GNAT3: variants seen among roughly 807,000 people sequenced by gnomAD.
The protein encoded by GNAT3 is guanine nucleotide-binding protein G(t) subunit alpha-3.
In GNAT3, 31 loss-of-function variants were observed where a neutral mutation model predicts 37.7. That is an observed-to-expected ratio of 0.82 (90% confidence interval 0.62 to 1.11). The LOEUF is 1.11. Ranked by LOEUF, GNAT3 falls within the 50% of genes most tolerant of loss-of-function variation. The probability of loss-of-function intolerance (pLI) is 0.00; values close to 1 mark genes in which losing one functional copy is unlikely to be tolerated. For synonymous variants in GNAT3, 138 were observed against 139.8 expected, an observed-to-expected ratio of 0.99 and a Z score of 0.09; for missense variants, 437 against 412.5, an observed-to-expected ratio of 1.06 and a Z score of -0.51.
At chr7:80,478,730 G>T in intron 4 of GNAT3, 111 bp downstream of exon 4, 2 of 1,036,608 alleles carry the variant, frequency 1.9e-6, no homozygotes, top group Non-Finnish European at 2.8e-6. Flanking sequence ...CTAATAAAAT[G>T]TAACACCATT....
chr7:80,461,401 T>A lies in GNAT3; in HGVS notation c.874+758A>T, dbSNP rs115999823. On this transcript the variant is annotated intron_variant, in intron 7 of 7. Coordinates refer to ENST00000398291, the MANE Select transcript of GNAT3 (RefSeq NM_001102386.3). ...CCATTACTACTGAAAATACGAAAAT[T>A]AACTGGGTGTTGTGGCGTGCACCAG... Among the ~76,000 whole-genome samples, 994 of 152,038 alleles carry A rather than the reference T, an allele frequency of 6.5e-3. 12 individuals carry two copies. The highest frequency in any genetic ancestry group is 0.023 in the African/African-American group (950 of 41,464).
chr7:80,491,846 G>A (rs1790598088), intron 2 of GNAT3, among the ~76,000 whole-genome samples: 1 of 152,128 alleles, frequency 6.6e-6, no homozygotes, highest in South Asian at 2.1e-4. Flanking sequence ...GAAAGACAAA[G>A]CAGAACAGGA....
intron 5 of GNAT3, among the ~76,000 whole-genome samples, chr7:80,470,303 C>A (rs562933349): frequency 2.0e-5 from 3 of 152,126 alleles, no homozygotes; most frequent in Non-Finnish European, 4.4e-5. Flanking sequence ...CTCACTGCAA[C>A]CTCCGCCTTT....
At chr7:80,494,730 C>T (rs1379620971) in intron 1 of GNAT3, 83 bp from the exon 2 acceptor site, 1 of 832,580 alleles carries the variant, frequency 1.2e-6, no homozygotes, top group Non-Finnish European at 1.9e-6. Context: ...CATGGATAAT[C>T]TTTAATTTTT....
chr7:80,479,438 G>T (rs1333884200), intron 3 of GNAT3, among the ~76,000 whole-genome samples: 1 of 151,812 alleles, frequency 6.6e-6, no homozygotes, highest in African/African-American at 2.4e-5. Context: ...AATTAGAGTA[G>T]ACCGGGCATG....
chr7:80,479,631 A>G (rs1157862617), intron 3 of GNAT3, among the ~76,000 whole-genome samples: 1 of 147,752 alleles, frequency 6.8e-6, no homozygotes, highest in African/African-American at 2.5e-5. Flanking sequence ...GAATTGCTTG[A>G]GCTTGGGAGG....
chr7:80,474,486 T>C (rs1040586354), intron 4 of GNAT3, 107 bp from the exon 5 acceptor site: 10 of 412,192 alleles, frequency 2.4e-5, no homozygotes, highest in African/African-American at 1.9e-4. Context: ...TGTATATATA[T>C]ATATTTTTAA....
intron 2 of GNAT3, among the ~76,000 whole-genome samples, chr7:80,493,159 C>T (rs1054571681): frequency 1.2e-4 from 18 of 151,026 alleles, no homozygotes; most frequent in Non-Finnish European, 1.0e-4. Flanking sequence ...AATAATTGGT[C>T]TTTTTTTTTC....
At chr7:80,506,162 A>G (rs1199393295) in intron 1 of GNAT3, among the ~76,000 whole-genome samples, 1 of 152,206 alleles carries the variant, frequency 6.6e-6, no homozygotes, top group Non-Finnish European at 1.5e-5. Flanking sequence ...TCTTGAGTCA[A>G]TAATTCATGC....
At chr7:80,463,757 CT>C (rs1387176460) in intron 5 of GNAT3, among the ~76,000 whole-genome samples, 1 of 151,592 alleles carries the variant, frequency 6.6e-6, no homozygotes, top group East Asian at 2.0e-4. Context: ...AAAATATTTG[CT>C]AAGTAAACGA....
At chr7:80,500,268 A>G (rs1003269140) in intron 1 of GNAT3, among the ~76,000 whole-genome samples, 48 of 150,846 alleles carry the variant, frequency 3.2e-4, no homozygotes, top group African/African-American at 1.2e-3. Flanking sequence ...TGTGGTAATT[A>G]AAGTTTTTCT....
chr7:80,465,315 A>C (rs1346154430), intron 5 of GNAT3, among the ~76,000 whole-genome samples: 1 of 152,162 alleles, frequency 6.6e-6, no homozygotes, highest in Non-Finnish European at 1.5e-5. Context: ...CCACATCACC[A>C]GTTGTAATGG....
chr7:80,494,269 C>T (rs959650658), intron 2 of GNAT3, among the ~76,000 whole-genome samples: 1 of 152,072 alleles, frequency 6.6e-6, no homozygotes, highest in African/African-American at 2.4e-5. Context: ...CTCAAAAAAT[C>T]AAATATATGA....
In GNAT3 at chr7:80,511,948, C is replaced by A; in HGVS notation, c.-22G>T. ...CCATCTTGTGGTGGTAGATACTTGT[C>A]AGTTTATATGTTCAGATTTTTCAAA... On this transcript the variant is annotated 5_prime_UTR_variant, in exon 1 of 8. An upstream open reading frame in the 5' UTR loses its in-frame stop. Transcript: ENST00000398291. The A allele has an allele frequency of 1.3e-6, 2 of 1,524,532 alleles. No homozygotes were observed. The highest frequency in any genetic ancestry group is 1.7e-5 in the Admixed American group (1 of 58,054). 94.4% of individuals were successfully genotyped at this position (1,524,532 alleles called of 1,614,324 possible). A position where few individuals can be genotyped will look rare whatever the true frequency, so the allele number is the denominator to read the frequency against.
chr7:80,501,333 C>T (rs1171874676), intron 1 of GNAT3, among the ~76,000 whole-genome samples: 3 of 151,980 alleles, frequency 2.0e-5, no homozygotes, highest in African/African-American at 7.2e-5. Flanking sequence ...TATACATTTA[C>T]ATATACATAT....
At chr7:80,498,526 T>C (rs901880273) in intron 1 of GNAT3, among the ~76,000 whole-genome samples, 1 of 152,180 alleles carries the variant, frequency 6.6e-6, no homozygotes, top group Non-Finnish European at 1.5e-5. Context: ...TAAAATCTCA[T>C]TTATTATTTG....
intron 1 of GNAT3, among the ~76,000 whole-genome samples, chr7:80,505,751 C>A (rs1025397329): frequency 6.6e-5 from 10 of 152,078 alleles, no homozygotes; most frequent in African/African-American, 2.4e-4. Context: ...GGAATCAAAC[C>A]CATGACTTCC....
At chr7:80,497,566 GTATATA>G (rs1790742735) in intron 1 of GNAT3, among the ~76,000 whole-genome samples, 2 of 136,658 alleles carry the variant, frequency 1.5e-5, no homozygotes. Flanking sequence ...ATACATATAC[GTATATA>G]CATATACGTA....
rs565573922 is a variant in GNAT3 at position 80,479,642 on chromosome 7, C to T, written c.304-644G>A. 1.5e-4 allele frequency among the ~76,000 whole-genome samples: 21 copies of T among 139,562 alleles called. 1 individual carries two copies. Among genetic ancestry groups the T allele is most frequent in the Admixed American group, 1.3e-3 (17 of 12,770 alleles). 91.6% of individuals were successfully genotyped at this position (139,562 alleles called of 152,430 possible). On this transcript the variant is annotated intron_variant, in intron 3 of 7. Transcript: ENST00000398291. ...GGGAGAATTGCTTGAGCTTGGGAGGCAGAGGTTGCAGTGGGCAGAGATTGC... is the reference window on the plus strand; with the variant it reads ...GGGAGAATTGCTTGAGCTTGGGAGGTAGAGGTTGCAGTGGGCAGAGATTGC...
Sources: gnomAD v4.1 joint callset for allele counts (sites outside exome capture counted in the v4.1 genomes callset) on GRCh38, gnomAD v4.1.1 for gene constraint, MANE v1.5 for transcripts, NCBI Gene and HGNC (gene_info 2026-07-23, HGNC 2026-07-21) for gene names.